SDK2: variants seen among roughly 807,000 people sequenced by gnomAD.
The protein encoded by SDK2 is protein sidekick-2.
Under a neutral mutation model 253.9 loss-of-function variants are expected in SDK2, and 105 were observed. The observed-to-expected ratio is 0.41, with a 90% confidence interval of 0.35 to 0.49. The LOEUF (loss-of-function observed/expected upper bound fraction) is 0.49. Among genes scored for constraint, SDK2 ranks in the 20% least tolerant of loss-of-function variants. SDK2 has a pLI of 0.06. For missense variants in SDK2, 2,608 were observed against 3,003.0 expected (o/e 0.87, Z 3.07); for synonymous variants, 1,249 against 1,234.9 (o/e 1.01, Z -0.24).
chr17:73,489,448 G>T (rs538563069), intron 2 of SDK2, among the ~76,000 whole-genome samples: 6 of 152,284 alleles, frequency 3.9e-5, no homozygotes, highest in Admixed American at 2.6e-4. Context: ...AACTTGGAGG[G>T]GGGTACCAGG....
At chr17:73,634,001 G>A (rs2046300970) in intron 1 of SDK2, among the ~76,000 whole-genome samples, 1 of 152,176 alleles carries the variant, frequency 6.6e-6, no homozygotes, top group Non-Finnish European at 1.5e-5. Flanking sequence ...GCCAGATTGT[G>A]GAGAGTTTGC....
chr17:73,569,561 T>TG (rs1456770046), intron 1 of SDK2, among the ~76,000 whole-genome samples: 3 of 148,808 alleles, frequency 2.0e-5, no homozygotes, highest in African/African-American at 7.4e-5. Context: ...TGGTGAGGGA[T>TG]GGGGGTGGGG....
intron 1 of SDK2, among the ~76,000 whole-genome samples, chr17:73,635,008 C>CA (rs565051523): frequency 6.6e-5 from 10 of 150,810 alleles, no homozygotes; most frequent in Admixed American, 6.6e-4. Context: ...TTTTTTGAGA[C>CA]AGAGTCTCAC....
In SDK2 at chr17:73,365,408, G is replaced by A. The variant is rs1410781158; in HGVS notation, c.5168-13C>T. On this transcript the variant is annotated splice_polypyrimidine_tract_variant and intron_variant, in intron 37 of 44. Coordinates refer to ENST00000392650, the MANE Select transcript of SDK2 (RefSeq NM_001144952.2). ...GGAGCGCTGGGGGCTGCGGGAGACAGCAAAGGGTTTTTGTTTCCTTCTTCT... is the reference window on the plus strand; with the variant it reads ...GGAGCGCTGGGGGCTGCGGGAGACAACAAAGGGTTTTTGTTTCCTTCTTCT... The A allele has an allele frequency of 1.9e-6, 3 of 1,593,388 alleles. No individual in the cohort carries two copies. The African/African-American group carries it at 4.0e-5, about 22-fold the overall frequency.
Position 73,379,941 on chromosome 17 carries a change from G to A in SDK2, c.4763-392C>T, listed in dbSNP as rs1477173951. Among the ~76,000 whole-genome samples, 1 of 152,088 alleles carries A rather than the reference G, an allele frequency of 6.6e-6. No homozygotes were observed. The highest frequency in any genetic ancestry group is 1.9e-4 in the East Asian group (1 of 5,190). On this transcript the variant is annotated intron_variant, in intron 34 of 44. Transcript: ENST00000392650. The surrounding 1 kb of genome is among the most constrained non-coding windows in gnomAD (Gnocchi z 4.5). ...TTCCCCACCGTGACAGATGCCCAGA[G>A]TCCCCATCCACCAACTCTTTACACA...
chr17:73,526,753 C>A (rs915210592), intron 1 of SDK2, among the ~76,000 whole-genome samples: 2 of 152,182 alleles, frequency 1.3e-5, no homozygotes, highest in Non-Finnish European at 2.9e-5. Context: ...CAAGGCCCCA[C>A]AAACCCACTT....
intron 40 of SDK2, chr17:73,357,392 A>T (rs990776647): frequency 1.3e-5 from 2 of 153,080 alleles, no homozygotes; most frequent in Admixed American, 1.3e-4. Flanking sequence ...AATTTTAATC[A>T]CCTAACCGCG....
At chr17:73,631,731 G>T (rs1208941973) in intron 1 of SDK2, among the ~76,000 whole-genome samples, 2 of 152,170 alleles carry the variant, frequency 1.3e-5, no homozygotes, top group African/African-American at 4.8e-5. Flanking sequence ...CAGCTGTATG[G>T]GGCACCAGCC....
rs747817720 is a variant in SDK2, at chr17:73,443,225, C to T, written c.614-2302G>A. ...AGGTTTTCCTTCCTTGACTCCAGGC[C>T]TTGCTAGAAAAGGCCCAGGAAGAAT... On this transcript the variant is annotated intron_variant, in intron 5 of 44. Coordinates refer to ENST00000392650, the MANE Select transcript of SDK2 (RefSeq NM_001144952.2). The surrounding 1 kb of genome is among the most constrained non-coding windows in gnomAD (Gnocchi z 4.6). Among the ~76,000 whole-genome samples, 1 of 152,030 alleles carries T rather than the reference C, an allele frequency of 6.6e-6. No homozygotes were observed. Among genetic ancestry groups the T allele is most frequent in the Non-Finnish European group, 1.5e-5 (1 of 68,006 alleles).
chr17:73,483,653 G>C (rs1454491318), intron 2 of SDK2, among the ~76,000 whole-genome samples: 1 of 39,862 alleles, frequency 2.5e-5, no homozygotes, highest in Non-Finnish European at 5.0e-5. Flanking sequence ...GTGTGTGTGT[G>C]TGTGTGTGTA....
chr17:73,355,914 C>G (rs1402937744), intron 40 of SDK2, among the ~76,000 whole-genome samples: 2 of 152,184 alleles, frequency 1.3e-5, no homozygotes, highest in Non-Finnish European at 2.9e-5. Flanking sequence ...TGAATTCTCT[C>G]ACTCATCTTT....
chr17:73,564,779 C>T (rs369581240), intron 1 of SDK2, among the ~76,000 whole-genome samples: 4 of 151,744 alleles, frequency 2.6e-5, no homozygotes, highest in East Asian at 1.9e-4. Flanking sequence ...GGGCCGAGAT[C>T]GCGCCACTGC....
intron 1 of SDK2, among the ~76,000 whole-genome samples, chr17:73,538,378 C>A (rs904013612): frequency 6.6e-6 from 1 of 152,206 alleles, no homozygotes; most frequent in Non-Finnish European, 1.5e-5. Context: ...TTTCCCTGGC[C>A]TCCACCCATC....
intron 40 of SDK2, among the ~76,000 whole-genome samples, chr17:73,357,185 C>T (rs751559367): frequency 1.3e-5 from 2 of 152,202 alleles, no homozygotes; most frequent in Non-Finnish European, 2.9e-5. Context: ...GTAATGTCTT[C>T]CAGGAGCTAC....
intron 12 of SDK2, among the ~76,000 whole-genome samples, chr17:73,424,707 T>TG (rs2063265279): frequency 6.6e-6 from 1 of 152,194 alleles, no homozygotes; most frequent in Non-Finnish European, 1.5e-5. Flanking sequence ...GTGCCAGCCC[T>TG]GGGGGGCAGG....
intron 8 of SDK2, among the ~76,000 whole-genome samples, chr17:73,436,044 G>T (rs2063365664): frequency 6.6e-6 from 1 of 152,132 alleles, no homozygotes; most frequent in Non-Finnish European, 1.5e-5. Flanking sequence ...GTGAGCCACT[G>T]CACCTGGCCT....
intron 3 of SDK2, among the ~76,000 whole-genome samples, chr17:73,459,350 G>A (rs2063549166): frequency 6.6e-6 from 1 of 152,124 alleles, no homozygotes; most frequent in East Asian, 1.9e-4. Flanking sequence ...TAAATTCCCT[G>A]GCCTGGACTC....
At chr17:73,405,011 T>C (rs1374896771) in intron 18 of SDK2, among the ~76,000 whole-genome samples, 2 of 151,496 alleles carry the variant, frequency 1.3e-5, no homozygotes, top group African/African-American at 2.4e-5. Flanking sequence ...CCTCAGGCTA[T>C]TCTAGGGGAT....
At chr17:73,522,936 C>T (rs1204060595) in intron 1 of SDK2, among the ~76,000 whole-genome samples, 1 of 152,186 alleles carries the variant, frequency 6.6e-6, no homozygotes, top group African/African-American at 2.4e-5. Context: ...TGAGGCTGGA[C>T]ATCAGGGAAA....
Sources: gnomAD v4.1 joint callset for allele counts (sites outside exome capture counted in the v4.1 genomes callset) on GRCh38, gnomAD v4.1.1 for gene constraint, Gnocchi (gnomAD v3.1) non-coding constraint, MANE v1.5 for transcripts, NCBI Gene and HGNC (gene_info 2026-07-23, HGNC 2026-07-21) for gene names.